Variants in C10orf90 observed in about 807,000 individuals in gnomAD.
C10orf90 encodes the protein (E2-independent) E3 ubiquitin-conjugating enzyme FATS.
In C10orf90, 56 loss-of-function variants were observed where a neutral mutation model predicts 62.5. The observed-to-expected ratio is 0.90, with a 90% confidence interval of 0.72 to 1.12. C10orf90 has a LOEUF of 1.12. Among genes scored for constraint, C10orf90 ranks in the 50% most tolerant of loss-of-function variants. The pLI, the probability that C10orf90 is intolerant of heterozygous loss-of-function variation, is 0.00. For synonymous variants in C10orf90, 386 were observed against 340.4 expected, an observed-to-expected ratio of 1.13 and a Z score of -1.47; for missense variants, 970 against 880.4, an observed-to-expected ratio of 1.10 and a Z score of -1.29.
intron 7 of C10orf90, among the ~76,000 whole-genome samples, chr10:126,439,085 A>G (rs1193775592): frequency 6.6e-6 from 1 of 152,110 alleles, no homozygotes. Flanking sequence ...CTTGGCCATA[A>G]CGTTCCTGGT....
At chr10:126,568,327 A>G (rs1591107104) in intron 2 of C10orf90, among the ~76,000 whole-genome samples, 1 of 152,196 alleles carries the variant, frequency 6.6e-6, no homozygotes, top group South Asian at 2.1e-4. Flanking sequence ...TGTTGCTGGC[A>G]GAATTCAATT....
intron 2 of C10orf90, among the ~76,000 whole-genome samples, chr10:126,596,138 TAA>T (rs34919079): frequency 1.1e-3 from 143 of 126,572 alleles, no homozygotes; most frequent in African/African-American, 3.2e-3. Context: ...ATCTCTTATT[TAA>T]AAAAAAAAAA....
chr10:126,627,549 G>T (rs918609447), intron 2 of C10orf90, among the ~76,000 whole-genome samples: 8 of 151,434 alleles, frequency 5.3e-5, no homozygotes, highest in African/African-American at 1.5e-4. Flanking sequence ...CAGCTCCAAG[G>T]TTAAAAGGAA....
intron 1 of C10orf90, among the ~76,000 whole-genome samples, chr10:126,659,161 C>T (rs1358184307): frequency 1.3e-4 from 20 of 152,216 alleles, no homozygotes; most frequent in East Asian, 1.9e-4. Flanking sequence ...ATAGCCAAGT[C>T]CCTTTCACAC....
At chr10:126,472,359 C>T (rs1422655286) in intron 4 of C10orf90, among the ~76,000 whole-genome samples, 1 of 152,126 alleles carries the variant, frequency 6.6e-6, no homozygotes, top group Non-Finnish European at 1.5e-5. Context: ...CGGTATTTGT[C>T]TCTGGGAGCT....
At chr10:126,435,144 AGTT>A (rs1210984605) in intron 7 of C10orf90, among the ~76,000 whole-genome samples, 1 of 152,224 alleles carries the variant, frequency 6.6e-6, no homozygotes, top group Non-Finnish European at 1.5e-5. Flanking sequence ...GAAGCCACAC[AGTT>A]GTTGGTATTG....
In C10orf90 at chr10:126,483,061, T is replaced by C. The variant is rs139978105; in HGVS notation, c.1535-18075A>G. Among the ~76,000 whole-genome samples, 248 of 152,350 alleles carry C rather than the reference T, an allele frequency of 1.6e-3. 2 individuals carry two copies. The highest frequency in any genetic ancestry group is 5.3e-3 in the African/African-American group (221 of 41,584). On this transcript the variant is annotated intron_variant, in intron 4 of 9. Coordinates refer to ENST00000488181, the MANE Select transcript of C10orf90 (RefSeq NM_001350921.2). ...TATATTGCTGGCTAAAATAACACAG[T>C]GCATGACAGTTATAGTGTGTGAATT...
chr10:126,466,905 A>C (rs1301571176), intron 4 of C10orf90, among the ~76,000 whole-genome samples: 1 of 152,224 alleles, frequency 6.6e-6, no homozygotes. Context: ...ATTTCAAAAC[A>C]TTGGTTCTGT....
chr10:126,467,562 C>T (rs1348876644), intron 4 of C10orf90, among the ~76,000 whole-genome samples: 2 of 152,182 alleles, frequency 1.3e-5, no homozygotes. Flanking sequence ...AGCCACTTAT[C>T]CCGGGCATTT....
chr10:126,477,114 T>G (rs1792739241), intron 4 of C10orf90, among the ~76,000 whole-genome samples: 2 of 89,278 alleles, frequency 2.2e-5, no homozygotes, highest in African/African-American at 9.3e-5. Flanking sequence ...TTTTTTTTTT[T>G]TTTTGGATTT....
intron 3 of C10orf90, 112 bp from the exon 4 acceptor site, chr10:126,505,197 T>C (rs1215307076): frequency 2.6e-6 from 3 of 1,142,970 alleles, no homozygotes; most frequent in East Asian, 2.5e-5. Flanking sequence ...AACACTCAGA[T>C]GTCTTGTCCA....
intron 2 of C10orf90, among the ~76,000 whole-genome samples, chr10:126,626,432 G>A (rs1845745118): frequency 6.6e-6 from 1 of 152,150 alleles, no homozygotes; most frequent in Non-Finnish European, 1.5e-5. Flanking sequence ...GCTGAGTACA[G>A]AAACTTCTAT....
chr10:126,633,682 G>A (rs1845895581), intron 2 of C10orf90, among the ~76,000 whole-genome samples: 2 of 152,214 alleles, frequency 1.3e-5, no homozygotes, highest in African/African-American at 4.8e-5. Context: ...TCATCCAACA[G>A]GTTGTCCTTC....
At chr10:126,533,521 C>A (rs1434896414) in intron 2 of C10orf90, among the ~76,000 whole-genome samples, 1 of 152,162 alleles carries the variant, frequency 6.6e-6, no homozygotes, top group African/African-American at 2.4e-5. Flanking sequence ...CAAACCAGTC[C>A]TGTTTTCAGG....
At chr10:126,497,635 C>A (rs1862136459) in intron 4 of C10orf90, among the ~76,000 whole-genome samples, 1 of 152,196 alleles carries the variant, frequency 6.6e-6, no homozygotes, top group Admixed American at 6.5e-5. Flanking sequence ...AGGCAAGTGA[C>A]CTGCCCAAAG....
intron 2 of C10orf90, among the ~76,000 whole-genome samples, chr10:126,544,894 A>G (rs11245028): frequency 0.017 from 2,601 of 152,088 alleles, 22 homozygotes; most frequent in Non-Finnish European, 0.024. Context: ...TCCCCTTCCT[A>G]TTGATTGGCA....
chr10:126,592,849 A>G (rs1845008491), intron 2 of C10orf90, among the ~76,000 whole-genome samples: 1 of 152,204 alleles, frequency 6.6e-6, no homozygotes, highest in African/African-American at 2.4e-5. Flanking sequence ...ACAAAAAAAG[A>G]AAAACAACCC....
At chr10:126,591,541 A>T (rs1844979225) in intron 2 of C10orf90, among the ~76,000 whole-genome samples, 1 of 152,172 alleles carries the variant, frequency 6.6e-6, no homozygotes, top group South Asian at 2.1e-4. Flanking sequence ...TTGAAGGAAC[A>T]TATCTCAAAA....
rs1339185292 is a variant in C10orf90, at chr10:126,459,184, A to G, written c.2044T>C (p.Ser682Pro). Residue 682 changes from serine (S) to proline (P), a missense_variant, in exon 7 of 10, where the codon TCT becomes CCT. By Grantham distance (74) the Ser-to-Pro change is moderately conservative. Transcript: ENST00000488181. ...TTCTTCAGCCGTTCTTGTGAGCGAG[A>G]AATGAACTGAGGCTTACGAACTTCC... ...ALEVRKPQFI[S>P]RSQERLKKLE... is the part of the protein sequence containing the mutation. 2.5e-6 allele frequency: 4 copies of G among 1,614,024 alleles called. No homozygotes were observed. Among genetic ancestry groups the G allele is most frequent in the Non-Finnish European group, 2.5e-6 (3 of 1,180,052 alleles).
Sources: gnomAD v4.1 joint callset for allele counts (sites outside exome capture counted in the v4.1 genomes callset) on GRCh38, gnomAD v4.1.1 for gene constraint, MANE v1.5 for transcripts, NCBI Gene and HGNC (gene_info 2026-07-23, HGNC 2026-07-21) for gene names.